AMDHD2: variants seen among roughly 807,000 people sequenced by gnomAD.
AMDHD2 encodes the protein N-acetylglucosamine-6-phosphate deacetylase.
A neutral mutation model predicts 41.8 loss-of-function variants in AMDHD2; 24 were observed. The ratio of observed to expected loss-of-function variants is 0.57; its 90% confidence interval spans 0.42 to 0.81. The LOEUF (loss-of-function observed/expected upper bound fraction) is 0.81. Among genes scored for constraint, AMDHD2 ranks in the 30% least tolerant of loss-of-function variants. The pLI, the probability that AMDHD2 is intolerant of heterozygous loss-of-function variation, is 0.00. For missense variants in AMDHD2, 540 were observed against 588.5 expected, an observed-to-expected ratio of 0.92 and a Z score of 0.85; for synonymous variants, 332 against 255.5, an observed-to-expected ratio of 1.30 and a Z score of -2.85.
chr16:2,529,144 C>A, intron 10 of AMDHD2, 49 bp downstream of exon 10: 1 of 1,470,008 alleles, frequency 6.8e-7, no homozygotes. Flanking sequence ...TGCCTGTAGA[C>A]TCTGTTGTTC....
At chr16:2,528,894 G>C in intron 9 of AMDHD2, 100 bp from the exon 10 acceptor site, 1 of 1,474,326 alleles carries the variant, frequency 6.8e-7, no homozygotes, top group South Asian at 1.2e-5. Flanking sequence ...TTGTTAGCCT[G>C]CTGCAGAGTC....
At position 2,527,597 on chromosome 16, in the gene AMDHD2, C is replaced by T; in HGVS notation, c.397C>T (p.His133Tyr). The change falls in exon 4 of 11, where the codon CAT (histidine) becomes TAT (tyrosine). Residue 133 changes from histidine to tyrosine, a missense_variant. Coordinates refer to ENST00000293971, the MANE Select transcript of AMDHD2 (RefSeq NM_001330449.2). The surrounding 1 kb of genome is among the most constrained non-coding windows in gnomAD (Gnocchi z 6.1). ...GATCCCTGTGAAGAGTGGTGGTCCC[C>T]ATGGGGCAGGGGTCCTCGGTGAGTG... ...PQIPVKSGGP[H>Y]GAGVLGLHLE... 2.5e-6 allele frequency: 4 copies of T among 1,613,242 alleles called. No homozygotes were observed. The highest frequency in any genetic ancestry group is 3.4e-6 in the Non-Finnish European group (4 of 1,179,726).
At chr16:2,526,096 C>T (rs2066000397) in intron 3 of AMDHD2, among the ~76,000 whole-genome samples, 2 of 152,176 alleles carry the variant, frequency 1.3e-5, no homozygotes, top group African/African-American at 4.8e-5. Flanking sequence ...TCTCTGCTTC[C>T]CTGCCTGGCC....
chr16:2,530,604 G>T lies in AMDHD2; in HGVS notation c.*1041G>T. ...TACAGGTGCTGTCCTGGGCACAGGA[G>T]GTACGCGCCTGGCTCTGCCACTGTT... is the stretch of plus-strand genomic sequence containing the variant. On this transcript the variant is annotated 3_prime_UTR_variant, in exon 11 of 11. Transcript: ENST00000293971. The T allele has an allele frequency of 6.2e-7, 1 of 1,614,220 alleles. No individual in the cohort carries two copies. Among genetic ancestry groups the T allele is most frequent in the Non-Finnish European group, 8.5e-7 (1 of 1,180,028 alleles).
chr16:2,520,642 C>T, intron 1 of AMDHD2, 101 bp downstream of exon 1: 1 of 920,556 alleles, frequency 1.1e-6, no homozygotes, highest in Non-Finnish European at 1.3e-6. Context: ...GGGGACAGGG[C>T]GGGGTGCAGG....
chr16:2,520,397 A>G lies in AMDHD2; in HGVS notation c.-62A>G. 2 of 1,198,858 alleles carry G rather than the reference A, an allele frequency of 1.7e-6. No homozygotes were observed. The highest frequency in any genetic ancestry group is 1.0e-6 in the Non-Finnish European group (1 of 960,394). The allele number at this position is 1,198,858 out of a possible 1,614,324, so 74.3% of individuals were successfully genotyped here. On this transcript the variant is annotated 5_prime_UTR_variant, in exon 1 of 11. Transcript: ENST00000293971. ...TCTCAGCTCTCGGCTGGGGTTCGTC[A>G]CTGGGCGCGGGATTTGGCCGCCGCG...
intron 3 of AMDHD2, among the ~76,000 whole-genome samples, chr16:2,523,047 C>G (rs2065962017): frequency 6.6e-6 from 1 of 151,940 alleles, no homozygotes; most frequent in South Asian, 2.1e-4. Flanking sequence ...TTTCACCATA[C>G]TGGCCAGGCT....
chr16:2,526,003 ATTC>A (rs1421872554), intron 3 of AMDHD2, among the ~76,000 whole-genome samples: 1 of 151,972 alleles, frequency 6.6e-6, no homozygotes, highest in East Asian at 1.9e-4. Context: ...CTGCCATCCT[ATTC>A]TTGTTTCAGG....
At chr16:2,529,358 A>G in intron 10 of AMDHD2, 117 bp from the exon 11 acceptor site, 1 of 1,490,752 alleles carries the variant, frequency 6.7e-7, no homozygotes, top group Non-Finnish European at 9.1e-7. Context: ...GGTGTCTTGC[A>G]CTAGTCGTGT....
Position 2,528,274 on chromosome 16 carries a change from C to G in AMDHD2, c.756C>G (p.Thr252=), listed in dbSNP as rs768339808. Residue 252 remains threonine, a synonymous_variant, in exon 7 of 11, where the codon ACC becomes ACG. Transcript: ENST00000293971. The part of the protein sequence containing the change: ...HRDPGIVGLL[T]SDRLPAGRCI... ...ACCCAGGCATCGTGGGGCTCCTGACCAGCGACCGGCTGCCCGCAGGCCGCT... is the reference window on the plus strand; with the variant it reads ...ACCCAGGCATCGTGGGGCTCCTGACGAGCGACCGGCTGCCCGCAGGCCGCT... 17 of 1,612,364 alleles carry G rather than the reference C, an allele frequency of 1.1e-5. No homozygotes were observed. The highest frequency in any genetic ancestry group is 1.4e-5 in the Non-Finnish European group (16 of 1,179,916).
chr16:2,531,179 C>T lies in AMDHD2; in HGVS notation c.*1616C>T. The T allele has an allele frequency of 2.1e-6, 3 of 1,416,008 alleles. No homozygotes were observed. The highest frequency in any genetic ancestry group is 2.8e-6 in the Non-Finnish European group (3 of 1,054,994). 87.7% of individuals were successfully genotyped at this position (1,416,008 alleles called of 1,614,324 possible). ...GCCAGCCTTTGGGCCTGGCCTGCCCCATTCACCGGCCAGCGCCCCACCTCC... is the reference window on the plus strand; with the variant it reads ...GCCAGCCTTTGGGCCTGGCCTGCCCTATTCACCGGCCAGCGCCCCACCTCC... On this transcript the variant is annotated 3_prime_UTR_variant, in exon 11 of 11. Coordinates refer to ENST00000293971, the MANE Select transcript of AMDHD2 (RefSeq NM_001330449.2).
rs750851145 is a variant in AMDHD2, at chr16:2,528,365, C to T, written c.847C>T (p.Arg283Cys). The T allele has an allele frequency of 2.2e-5, 36 of 1,612,788 alleles. No individual in the cohort carries two copies. Among genetic ancestry groups the T allele is most frequent in the South Asian group, 7.7e-5 (7 of 91,092 alleles). ...CCCCGCCGCCCTGCGGATCGCCCAC[C>T]GTGCCCATCCCCAGGGTAAGCTGCG... ...TNPAALRIAHRAHPQGLVLVT... is the reference protein window; with the variant it reads ...TNPAALRIAHCAHPQGLVLVT... The change falls in exon 7 of 11, where the codon CGT becomes TGT. Residue 283 changes from arginine (R) to cysteine (C), a missense_variant. Transcript: ENST00000293971.
rs550043924 is a variant in AMDHD2 at position 2,531,414 on chromosome 16, G to A, written c.*1851G>A. On this transcript the variant is annotated 3_prime_UTR_variant, in exon 11 of 11. Transcript: ENST00000293971. The stretch of plus-strand genomic sequence containing the variant: ...AAAATACATAACAAAAGTAACTATC[G>A]TAACCTGAGCAGTTCTGTGACATGA... The A allele has an allele frequency of 4.0e-6, 2 of 498,832 alleles. No individual in the cohort carries two copies. The highest frequency in any genetic ancestry group is 7.3e-6 in the Non-Finnish European group (2 of 274,102). 30.9% of individuals were successfully genotyped at this position (498,832 alleles called of 1,614,324 possible).
chr16:2,527,248 TC>T lies in AMDHD2; in HGVS notation c.361-310del. ...AGCTCTGCCCCAGGGTCCCTGCTGC[TC>T]CCAGGAGCCTCCTGCCTCCCAGCCC... On this transcript the variant is annotated intron_variant, in intron 3 of 10. Transcript: ENST00000293971. This position sits in a 1 kb window ranked among gnomAD's most constrained non-coding sequence, Gnocchi z 6.1. 2.1e-6 allele frequency: 1 copy of T among 482,976 alleles called. No homozygotes were observed. The highest frequency in any genetic ancestry group is 3.7e-6 in the Non-Finnish European group (1 of 270,888). 29.9% of individuals were successfully genotyped at this position (482,976 alleles called of 1,614,324 possible). A position where few individuals can be genotyped will look rare whatever the true frequency, so the allele number is the denominator to read the frequency against.
intron 3 of AMDHD2, among the ~76,000 whole-genome samples, chr16:2,523,797 C>T (rs776717365): frequency 4.6e-5 from 7 of 152,210 alleles, no homozygotes; most frequent in Non-Finnish European, 7.3e-5. Flanking sequence ...CCTGTCCAGC[C>T]TCTTCTCTGT....
In AMDHD2 at chr16:2,523,345, TTGG is replaced by T. The variant is rs1787839612; in HGVS notation, c.360+2225_360+2227del. Among the ~76,000 whole-genome samples, 4 of 152,226 alleles carry T rather than the reference TTGG, an allele frequency of 2.6e-5. No individual in the cohort carries two copies. The South Asian group carries it at 8.3e-4, about 32-fold the overall frequency. On this transcript the variant is annotated intron_variant, in intron 3 of 10. Coordinates refer to ENST00000293971, the MANE Select transcript of AMDHD2 (RefSeq NM_001330449.2). ...GTTATATGCCCAAGGGGTCCCTCTC[TTGG>T]TGTGTGGGCAGAGCCAGAGCTGGGA... is the stretch of plus-strand genomic sequence containing the variant.
chr16:2,529,804 T>G lies in AMDHD2; in HGVS notation c.*241T>G. 7.0e-7 allele frequency: 1 copy of G among 1,428,820 alleles called. No individual in the cohort carries two copies. Among genetic ancestry groups the G allele is most frequent in the Non-Finnish European group, 9.1e-7 (1 of 1,095,224 alleles). The allele number at this position is 1,428,820 out of a possible 1,614,324, so 88.5% of individuals were successfully genotyped here. The stretch of plus-strand genomic sequence containing the variant: ...TTGGTTGCCCTCCTGGAGAAGGCAT[T>G]CACGGCCTGGGGTGGGATGGCTGGG... On this transcript the variant is annotated 3_prime_UTR_variant, in exon 11 of 11. Transcript: ENST00000293971.
At chr16:2,521,781 G>GTTTTTTTT (rs57701626) in intron 3 of AMDHD2, among the ~76,000 whole-genome samples, 2 of 111,594 alleles carry the variant, frequency 1.8e-5, no homozygotes, top group African/African-American at 3.9e-5. Context: ...TTTTTGTTTA[G>GTTTTTTTT]TTTTTTTTTT....
rs372993925 is a variant in AMDHD2, at chr16:2,527,637, C to T, written c.415+22C>T. ...CTCGGTGAGTGGCTGACCTCCTCCC[C>T]GCCCCCACCCTGGGAGGCTCCTGCG... On this transcript the variant is annotated intron_variant, in intron 4 of 10. Transcript: ENST00000293971. The surrounding 1 kb of genome is among the most constrained non-coding windows in gnomAD (Gnocchi z 6.1). 3.1e-5 allele frequency: 49 copies of T among 1,603,246 alleles called. No individual in the cohort carries two copies. The highest frequency in any genetic ancestry group is 9.4e-5 in the African/African-American group (7 of 74,752).
Sources: allele counts gnomAD v4.1 joint callset (sites outside exome capture counted in the v4.1 genomes callset), GRCh38; gene constraint gnomAD v4.1.1; non-coding constraint Gnocchi (gnomAD v3.1); transcripts MANE v1.5; gene names NCBI Gene and HGNC (gene_info 2026-07-23, HGNC 2026-07-21).